LRRC4C: variants seen among roughly 807,000 people sequenced by gnomAD.
The protein encoded by LRRC4C is leucine-rich repeat-containing protein 4C.
LRRC4C carries 5 observed loss-of-function variants against 33.6 expected under a neutral mutation model. The observed-to-expected ratio is 0.15, with a 90% CI of 0.08 to 0.31. The LOEUF (loss-of-function observed/expected upper bound fraction) is 0.31. Ranked by LOEUF, LRRC4C falls within the 10% of genes least tolerant of loss-of-function variation. LRRC4C has a pLI of 1.00. For missense variants in LRRC4C, 560 were observed against 796.7 expected, an observed-to-expected ratio of 0.70 and a Z score of 3.58; for synonymous variants, 329 against 302.0, an observed-to-expected ratio of 1.09 and a Z score of -0.93.
chr11:40,253,037 A>G (rs1866910256), intron 4 of LRRC4C, among the ~76,000 whole-genome samples: 1 of 152,212 alleles, frequency 6.6e-6, no homozygotes, highest in Non-Finnish European at 1.5e-5. Flanking sequence ...ATTTTGGATC[A>G]GAAGAATTTT....
intron 1 of LRRC4C, among the ~76,000 whole-genome samples, chr11:41,061,883 G>A (rs1565346941): frequency 6.6e-6 from 1 of 152,042 alleles, no homozygotes; most frequent in African/African-American, 2.4e-5. Flanking sequence ...ATGCAATATG[G>A]CACCTACCCT....
intron 1 of LRRC4C, among the ~76,000 whole-genome samples, chr11:41,218,342 G>A (rs1947153834): frequency 6.6e-6 from 1 of 152,074 alleles, no homozygotes; most frequent in South Asian, 2.1e-4. Flanking sequence ...AAACTTTCCT[G>A]CTTTTTTACA....
intron 3 of LRRC4C, among the ~76,000 whole-genome samples, chr11:40,566,096 T>G (rs1038127210): frequency 3.7e-4 from 55 of 149,028 alleles, no homozygotes; most frequent in Non-Finnish European, 4.3e-4. Flanking sequence ...GTTTTTTTTT[T>G]TTTTTTTTTT....
At chr11:40,353,150 T>G (rs537799505) in intron 3 of LRRC4C, among the ~76,000 whole-genome samples, 1 of 152,292 alleles carries the variant, frequency 6.6e-6, no homozygotes. Flanking sequence ...TTATTATTCC[T>G]TCAAATAAAC....
intron 3 of LRRC4C, among the ~76,000 whole-genome samples, chr11:40,561,289 G>A (rs986476624): frequency 6.6e-6 from 1 of 151,978 alleles, no homozygotes; most frequent in African/African-American, 2.4e-5. Context: ...CTCTGATTAC[G>A]AGTGGAATGA....
intron 2 of LRRC4C, among the ~76,000 whole-genome samples, chr11:40,831,933 C>G (rs1029579668): frequency 3.3e-5 from 5 of 151,820 alleles, no homozygotes; most frequent in Non-Finnish European, 7.4e-5. Flanking sequence ...CACAGCCAAA[C>G]CATATCATAA....
chr11:40,363,148 A>G (rs1014374879), intron 3 of LRRC4C, among the ~76,000 whole-genome samples: 9 of 152,202 alleles, frequency 5.9e-5, no homozygotes, highest in African/African-American at 2.2e-4. Flanking sequence ...AAAGACATGA[A>G]ATCATCCTAA....
At chr11:40,826,219 A>C (rs1952163613) in intron 2 of LRRC4C, among the ~76,000 whole-genome samples, 1 of 151,928 alleles carries the variant, frequency 6.6e-6, no homozygotes. Flanking sequence ...CTGGAGATAC[A>C]ATTTTTCTTT....
At chr11:40,831,625 G>C (rs1952414763) in intron 2 of LRRC4C, among the ~76,000 whole-genome samples, 1 of 151,888 alleles carries the variant, frequency 6.6e-6, no homozygotes, top group African/African-American at 2.4e-5. Flanking sequence ...CCCGAGACTG[G>C]GTAAATTATA....
At chr11:40,891,215 C>A (rs1460645784) in intron 2 of LRRC4C, among the ~76,000 whole-genome samples, 3 of 151,946 alleles carry the variant, frequency 2.0e-5, no homozygotes, top group Non-Finnish European at 2.9e-5. Context: ...CCAGCCTGGG[C>A]AACAAGAGGG....
rs1212325776 is a variant in LRRC4C at position 40,700,246 on chromosome 11, T to C, written c.-406-51968A>G. On this transcript the variant is annotated intron_variant, in intron 2 of 6. Coordinates refer to ENST00000528697, the MANE Select transcript of LRRC4C (RefSeq NM_001258419.2). ...GTTATTTTGTTTAAACGTGAGACAGTCTTTGGATATTTCATGGTTGGGAAA... is the reference window on the plus strand; with the variant it reads ...GTTATTTTGTTTAAACGTGAGACAGCCTTTGGATATTTCATGGTTGGGAAA... 2.6e-5 allele frequency among the ~76,000 whole-genome samples: 4 copies of C among 152,132 alleles called. No homozygotes were observed. The East Asian group carries it at 7.7e-4, about 29-fold the overall frequency.
chr11:40,298,130 A>G (rs944382054), intron 4 of LRRC4C, among the ~76,000 whole-genome samples: 4 of 152,220 alleles, frequency 2.6e-5, no homozygotes, highest in African/African-American at 9.6e-5. Context: ...TGTGGTGCAC[A>G]AAATTGTAAA....
chr11:41,143,413 TAAAC>T (rs1264240008), intron 1 of LRRC4C, among the ~76,000 whole-genome samples: 1 of 152,042 alleles, frequency 6.6e-6, no homozygotes, highest in Non-Finnish European at 1.5e-5. Flanking sequence ...GATAAGTAAA[TAAAC>T]AAAGAAAAAC....
chr11:40,615,265 TACACAC>T (rs1263574075), intron 3 of LRRC4C, among the ~76,000 whole-genome samples: 36 of 53,382 alleles, frequency 6.7e-4, no homozygotes, highest in South Asian at 1.3e-3. Flanking sequence ...TATATATATA[TACACAC>T]ACACACACAT....
At chr11:40,457,153 A>T (rs1478632834) in intron 3 of LRRC4C, among the ~76,000 whole-genome samples, 8 of 151,272 alleles carry the variant, frequency 5.3e-5, no homozygotes, top group African/African-American at 1.7e-4. Flanking sequence ...TACCTCAGCA[A>T]TTTTTTTTAA....
intron 3 of LRRC4C, among the ~76,000 whole-genome samples, chr11:40,375,667 T>C (rs1459445484): frequency 6.6e-6 from 1 of 152,190 alleles, no homozygotes; most frequent in South Asian, 2.1e-4. Context: ...ACAATGATTA[T>C]GTAAAGTTTC....
intron 1 of LRRC4C, among the ~76,000 whole-genome samples, chr11:40,978,646 G>C (rs547595360): frequency 6.7e-6 from 1 of 148,284 alleles, no homozygotes; most frequent in East Asian, 2.0e-4. Context: ...TTTTGATATG[G>C]AGTCTCGCTC....
intron 1 of LRRC4C, among the ~76,000 whole-genome samples, chr11:40,935,624 T>G (rs945367023): frequency 2.6e-5 from 4 of 152,060 alleles, no homozygotes; most frequent in African/African-American, 9.7e-5. Context: ...ATAGCCTAGG[T>G]GTATAGTAGG....
intron 3 of LRRC4C, among the ~76,000 whole-genome samples, chr11:40,580,632 T>C (rs1429645578): frequency 6.6e-6 from 1 of 152,200 alleles, no homozygotes. Flanking sequence ...CTCGGTGGTA[T>C]GTTTTATGTT....
Sources: allele counts gnomAD v4.1 joint callset (sites outside exome capture counted in the v4.1 genomes callset), GRCh38; gene constraint gnomAD v4.1.1; transcripts MANE v1.5; gene names NCBI Gene and HGNC (gene_info 2026-07-23, HGNC 2026-07-21).